Variants in PDE1A observed in about 807,000 individuals in gnomAD.
PDE1A encodes the protein dual specificity calcium/calmodulin-dependent 3',5'-cyclic nucleotide phosphodiesterase 1A.
PDE1A carries 35 observed loss-of-function variants against 61.7 expected under a neutral mutation model. The observed-to-expected ratio is 0.57, with a 90% CI of 0.43 to 0.75. The LOEUF (loss-of-function observed/expected upper bound fraction) is 0.75. PDE1A is among the 30% of genes least tolerant of loss of function. The pLI is 0.00. For synonymous variants in PDE1A, 232 were observed against 213.2 expected, an observed-to-expected ratio of 1.09 and a Z score of -0.77; for missense variants, 597 against 630.6, an observed-to-expected ratio of 0.95 and a Z score of 0.57.
intron 1 of PDE1A, among the ~76,000 whole-genome samples, chr2:182,347,640 AT>A (rs1361502799): frequency 6.6e-6 from 1 of 152,092 alleles, no homozygotes; most frequent in African/African-American, 2.4e-5. Context: ...CAATTGCCTA[AT>A]TTAAGACAGG....
At chr2:182,516,708 GGAAGGAAGGA>G (rs1690186153) in intron 2 of PDE1A, among the ~76,000 whole-genome samples, 1 of 35,826 alleles carries the variant, frequency 2.8e-5, no homozygotes, top group African/African-American at 1.1e-4. Flanking sequence ...AAGGGAGGAA[GGAAGGAAGGA>G]AGGAAGGAAG....
the PDE1A span, among the ~76,000 whole-genome samples, chr2:182,649,918 T>A: frequency 1.9e-4 from 29 of 151,846 alleles, no homozygotes; most frequent in East Asian, 3.9e-4. Context: ...TACAAAAAAA[T>A]TTTTTTTTAA....
chr2:182,385,457 T>C (rs965880127), intron 1 of PDE1A, among the ~76,000 whole-genome samples: 1 of 152,096 alleles, frequency 6.6e-6, no homozygotes, highest in Non-Finnish European at 1.5e-5. Context: ...TGTGGGTTTT[T>C]TTAAAATCAA....
chr2:182,319,109 CA>C (rs1346334712), intron 1 of PDE1A, among the ~76,000 whole-genome samples: 3 of 151,772 alleles, frequency 2.0e-5, no homozygotes, highest in Non-Finnish European at 4.4e-5. Context: ...TTGCTTTTGC[CA>C]AAAAAAGAAA....
chr2:182,682,418 T>C, the PDE1A span, among the ~76,000 whole-genome samples: 2 of 152,078 alleles, frequency 1.3e-5, no homozygotes, highest in South Asian at 2.1e-4. Context: ...AAGCAGGTAG[T>C]AGGTTAGGCA....
At chr2:182,150,930 G>T (rs1400123713) in intron 13 of PDE1A, among the ~76,000 whole-genome samples, 4 of 151,978 alleles carry the variant, frequency 2.6e-5, no homozygotes, top group Non-Finnish European at 5.9e-5. Flanking sequence ...CTCCAGTCAG[G>T]GTCTCACTAA....
intron 2 of PDE1A, among the ~76,000 whole-genome samples, chr2:182,462,166 G>A (rs545586075): frequency 6.6e-5 from 10 of 151,878 alleles, no homozygotes; most frequent in South Asian, 4.2e-4. Flanking sequence ...GGGGTGGGGG[G>A]AGCGGGGAGG....
the PDE1A span, among the ~76,000 whole-genome samples, chr2:182,529,809 T>G: frequency 6.6e-6 from 1 of 152,224 alleles, no homozygotes; most frequent in Non-Finnish European, 1.5e-5. Flanking sequence ...TTCTCTCTTG[T>G]CTGCCACCAT....
intron 1 of PDE1A, among the ~76,000 whole-genome samples, chr2:182,305,734 ATAAT>A (rs1559318192): frequency 1.3e-5 from 2 of 152,060 alleles, no homozygotes; most frequent in African/African-American, 2.4e-5. Flanking sequence ...TTAAAAGTAG[ATAAT>A]TATTTTTATT....
intron 1 of PDE1A, among the ~76,000 whole-genome samples, chr2:182,380,995 T>C (rs1700701315): frequency 6.6e-6 from 1 of 152,204 alleles, no homozygotes; most frequent in South Asian, 2.1e-4. Flanking sequence ...TCAAGATTAC[T>C]AGCCATGGCA....
chr2:182,361,553 G>T (rs187411496), intron 1 of PDE1A, among the ~76,000 whole-genome samples: 29 of 151,962 alleles, frequency 1.9e-4, no homozygotes, highest in African/African-American at 5.3e-4. Context: ...TGAATGGCCA[G>T]GTTTCCTTTA....
intron 7 of PDE1A, 32 bp from the exon 8 acceptor site, chr2:182,206,097 G>A (rs1307851785): frequency 1.9e-6 from 3 of 1,578,548 alleles, no homozygotes; most frequent in African/African-American, 2.7e-5. Context: ...CCCAACAGAG[G>A]ATTTCTTTAG....
At chr2:182,389,443 G>A (rs535052007) in intron 1 of PDE1A, among the ~76,000 whole-genome samples, 1 of 151,662 alleles carries the variant, frequency 6.6e-6, no homozygotes, top group South Asian at 2.1e-4. Flanking sequence ...TGGACAAAGG[G>A]CATGAATATA....
chr2:182,329,913 G>A (rs77519187), intron 1 of PDE1A, among the ~76,000 whole-genome samples: 5,908 of 152,132 alleles, frequency 0.039, 376 homozygotes, highest in African/African-American at 0.13. Flanking sequence ...GTTTTTGCTC[G>A]TTATATTCCC....
At chr2:182,515,970 G>GTC in intron 2 of PDE1A, among the ~76,000 whole-genome samples, 1 of 142,574 alleles carries the variant, frequency 7.0e-6, no homozygotes, top group Non-Finnish European at 1.6e-5. Context: ...GTGTGTGTGT[G>GTC]TGTGTGTGTG....
At chr2:182,176,084 G>A (rs1334603538) in intron 13 of PDE1A, among the ~76,000 whole-genome samples, 2 of 149,360 alleles carry the variant, frequency 1.3e-5, no homozygotes, top group Non-Finnish European at 2.9e-5. Context: ...TTTGGTTACT[G>A]TAGCCTTGTA....
At chr2:182,297,853 G>A (rs1694988838) in intron 1 of PDE1A, among the ~76,000 whole-genome samples, 1 of 152,136 alleles carries the variant, frequency 6.6e-6, no homozygotes, top group Admixed American at 6.5e-5. Flanking sequence ...GTTCCATACT[G>A]TTTCCTAGAG....
chr2:182,688,516 C>A, the PDE1A span, among the ~76,000 whole-genome samples: 2 of 152,202 alleles, frequency 1.3e-5, no homozygotes, highest in African/African-American at 4.8e-5. Flanking sequence ...CCTACAAGAG[C>A]TCCTGAAGGA....
the PDE1A span, among the ~76,000 whole-genome samples, chr2:182,661,247 C>A: frequency 6.6e-6 from 1 of 152,172 alleles, no homozygotes; most frequent in Non-Finnish European, 1.5e-5. Context: ...ATTTAAGATG[C>A]TACACCAGAT....
Sources: gnomAD v4.1 joint callset for allele counts (sites outside exome capture counted in the v4.1 genomes callset) on GRCh38, gnomAD v4.1.1 for gene constraint, MANE v1.5 for transcripts, NCBI Gene and HGNC (gene_info 2026-07-23, HGNC 2026-07-21) for gene names.